Variants in GRIA2 observed in about 807,000 individuals in gnomAD.
GRIA2 encodes the protein glutamate receptor 2.
In GRIA2, 14 loss-of-function variants were observed where a neutral mutation model predicts 97.3. The ratio of observed to expected loss-of-function variants is 0.14; its 90% CI spans 0.10 to 0.23. The LOEUF (loss-of-function observed/expected upper bound fraction) is 0.23. Ranked by LOEUF, GRIA2 falls within the 10% of genes least tolerant of loss-of-function variation. The pLI, the probability that GRIA2 is intolerant of heterozygous loss-of-function variation, is 1.00. For synonymous variants in GRIA2, 412 were observed against 387.8 expected (o/e 1.06, Z -0.73); for missense variants, 558 against 1,069.8 (o/e 0.52, Z 6.67).
In GRIA2 at chr4:157,363,891, T is replaced by A. The variant is rs1318249979; in HGVS notation, c.*460T>A. ...TCTGCAGCCACTATTGTTAGTCTCT[T>A]GATTCATAATGACTTAAGCACACTT... is the stretch of plus-strand genomic sequence containing the variant. On this transcript the variant is annotated 3_prime_UTR_variant, in exon 16 of 16. Transcript: ENST00000264426. 4.5e-6 allele frequency: 1 copy of A among 224,266 alleles called. No homozygotes were observed. The highest frequency in any genetic ancestry group is 8.7e-6 in the Non-Finnish European group (1 of 115,510). 13.9% of individuals were successfully genotyped at this position (224,266 alleles called of 1,614,324 possible).
At position 157,361,435 on chromosome 4, in the gene GRIA2, G is replaced by A. The variant is rs1349591301; in HGVS notation, c.2406+311G>A. 6 of 895,868 alleles carry A rather than the reference G, an allele frequency of 6.7e-6. No individual in the cohort carries two copies. The highest frequency in any genetic ancestry group is 8.8e-6 in the Non-Finnish European group (5 of 566,620). 55.5% of individuals were successfully genotyped at this position (895,868 alleles called of 1,614,324 possible). A position where few individuals can be genotyped will look rare whatever the true frequency, so the allele number is the denominator to read the frequency against. On this transcript the variant is annotated intron_variant, in intron 14 of 15. Transcript: ENST00000264426. This position sits in a 1 kb window ranked among gnomAD's most constrained non-coding sequence, Gnocchi z 5.2. Reference sequence around the variant, plus strand: ...TTACCGTTTGCTTAGGCCAAATGGCGCATCAATGACTATCGCTCTTACAAA... The same window carrying A: ...TTACCGTTTGCTTAGGCCAAATGGCACATCAATGACTATCGCTCTTACAAA...
At chr4:157,262,546 A>G (rs1328786595) in intron 2 of GRIA2, among the ~76,000 whole-genome samples, 1 of 152,036 alleles carries the variant, frequency 6.6e-6, no homozygotes, top group Non-Finnish European at 1.5e-5. Context: ...TCAGGAATGA[A>G]TTTTGAGTGC....
At chr4:157,342,451 C>A in intron 12 of GRIA2, 1 of 984,054 alleles carries the variant, frequency 1.0e-6, no homozygotes, top group Non-Finnish European at 1.2e-6. Context: ...TGTGAAGAGT[C>A]CAGGACCTTG....
In GRIA2 at chr4:157,303,804, A is replaced by G; in HGVS notation, c.469+13A>G. The G allele has an allele frequency of 6.2e-7, 1 of 1,612,086 alleles. No homozygotes were observed. The highest frequency in any genetic ancestry group is 8.5e-7 in the Non-Finnish European group (1 of 1,178,166). On this transcript the variant is annotated intron_variant, in intron 3 of 15. Transcript: ENST00000264426. ...GACAGTGACAGAGGTAAGTGACAGT[A>G]TCTCATCTCTTTGTAATGGGGCGAA... is the stretch of plus-strand genomic sequence containing the variant.
chr4:157,361,577 A>G lies in GRIA2; in HGVS notation c.2406+453A>G. On this transcript the variant is annotated intron_variant, in intron 14 of 15. Transcript: ENST00000264426. This position sits in a 1 kb window ranked among gnomAD's most constrained non-coding sequence, Gnocchi z 5.2. ...TTGCAGTATTGAAACTCAGTGAGCA[A>G]GGCGTCTTAGACAAGCTGAAAAACA... 6.2e-7 allele frequency: 1 copy of G among 1,612,760 alleles called. No homozygotes were observed. The highest frequency in any genetic ancestry group is 8.5e-7 in the Non-Finnish European group (1 of 1,178,904).
At chr4:157,322,219 G>A (rs917474259) in intron 6 of GRIA2, among the ~76,000 whole-genome samples, 2 of 147,526 alleles carry the variant, frequency 1.4e-5, no homozygotes, top group Admixed American at 7.0e-5. Context: ...GAGAAAGAGA[G>A]AGAGTGAGAA....
chr4:157,268,640 T>C (rs1421771633), intron 2 of GRIA2, among the ~76,000 whole-genome samples: 1 of 152,044 alleles, frequency 6.6e-6, no homozygotes, highest in African/African-American at 2.4e-5. Flanking sequence ...GGAAAGGTAG[T>C]ATACTCCAAA....
At chr4:157,313,027 C>G in intron 4 of GRIA2, 152 bp downstream of exon 4, 1 of 455,862 alleles carries the variant, frequency 2.2e-6, no homozygotes, top group South Asian at 5.5e-5. Flanking sequence ...TAAATTATCT[C>G]TGGCTTCAGT....
At chr4:157,299,872 T>C (rs1363753128) in intron 2 of GRIA2, among the ~76,000 whole-genome samples, 1 of 152,162 alleles carries the variant, frequency 6.6e-6, no homozygotes, top group African/African-American at 2.4e-5. Flanking sequence ...AAAACATAAA[T>C]GCAATTCTAA....
At chr4:157,246,710 C>T (rs1730747721) in intron 2 of GRIA2, among the ~76,000 whole-genome samples, 1 of 151,984 alleles carries the variant, frequency 6.6e-6, no homozygotes, top group Non-Finnish European at 1.5e-5. Context: ...GGGGATATTT[C>T]TTATAGTTAA....
chr4:157,360,791 A>C, intron 13 of GRIA2: 1 of 610,330 alleles, frequency 1.6e-6, no homozygotes, highest in East Asian at 3.4e-5. Flanking sequence ...CCATATTAGC[A>C]CTCTTTCCTT....
chr4:157,289,959 T>G (rs1289139245), intron 2 of GRIA2, among the ~76,000 whole-genome samples: 1 of 151,870 alleles, frequency 6.6e-6, no homozygotes, highest in East Asian at 1.9e-4. Context: ...GGTTCAAATT[T>G]CAGCCCTACT....
rs1735185196 is a variant in GRIA2 at position 157,334,205 on chromosome 4, T to C, written c.1266+85T>C. The C allele has an allele frequency of 3.1e-5, 23 of 737,250 alleles. No homozygotes were observed. The South Asian group carries it at 3.4e-4, about 11-fold the overall frequency. 45.7% of individuals were successfully genotyped at this position (737,250 alleles called of 1,614,324 possible). A position where few individuals can be genotyped will look rare whatever the true frequency, so the allele number is the denominator to read the frequency against. On this transcript the variant is annotated intron_variant, in intron 9 of 15. Coordinates refer to ENST00000264426, the MANE Select transcript of GRIA2 (RefSeq NM_001083619.3). The stretch of plus-strand genomic sequence containing the variant: ...AGTAGCTATTTATATTTTAGGAGAA[T>C]AATATCTGTTTTGCTTCTTTTGCAA...
intron 4 of GRIA2, 47 bp downstream of exon 4, chr4:157,312,922 T>C (rs765470631): frequency 1.8e-6 from 2 of 1,123,052 alleles, no homozygotes; most frequent in Non-Finnish European, 1.3e-6. Flanking sequence ...AGAATATGCA[T>C]GCAATGTCAG....
At chr4:157,362,638 G>A (rs1034081652) in intron 14 of GRIA2, among the ~76,000 whole-genome samples, 161 bp from the exon 15 acceptor site, 1 of 152,112 alleles carries the variant, frequency 6.6e-6, no homozygotes, top group African/African-American at 2.4e-5. Flanking sequence ...CATGGTAGCT[G>A]TTATGAAAAT....
chr4:157,322,522 T>A (rs529661373), intron 6 of GRIA2, among the ~76,000 whole-genome samples: 89 of 152,332 alleles, frequency 5.8e-4, no homozygotes, highest in African/African-American at 2.1e-3. Context: ...TTTTATTGGG[T>A]ATACACATGC....
intron 6 of GRIA2, among the ~76,000 whole-genome samples, chr4:157,323,533 A>T (rs1734678821): frequency 6.6e-6 from 1 of 151,804 alleles, no homozygotes. Flanking sequence ...GTCCATTCAG[A>T]GATGGTGCCA....
intron 2 of GRIA2, among the ~76,000 whole-genome samples, chr4:157,264,685 G>C (rs896904968): frequency 3.3e-5 from 5 of 152,036 alleles, no homozygotes; most frequent in African/African-American, 9.7e-5. Context: ...AAAAGAAAAG[G>C]AAATAAGAAG....
chr4:157,230,410 T>C (rs970773766), intron 2 of GRIA2, among the ~76,000 whole-genome samples: 5 of 152,132 alleles, frequency 3.3e-5, no homozygotes, highest in African/African-American at 2.4e-5. Context: ...GGGAAAGCTG[T>C]GGAGAAAAAG....
Sources: gnomAD v4.1 joint callset for allele counts (sites outside exome capture counted in the v4.1 genomes callset) on GRCh38, gnomAD v4.1.1 for gene constraint, Gnocchi (gnomAD v3.1) non-coding constraint, MANE v1.5 for transcripts, NCBI Gene and HGNC (gene_info 2026-07-23, HGNC 2026-07-21) for gene names.